The following SAMSN1 variants were observed in gnomAD, a reference collection of about 807,000 sequenced individuals.
The protein encoded by SAMSN1 is SAM domain-containing protein SAMSN-1.
Under a neutral mutation model 42.0 loss-of-function variants are expected in SAMSN1, and 31 were observed. The ratio of observed to expected loss-of-function variants is 0.74; its 90% CI spans 0.55 to 1.00. The LOEUF (loss-of-function observed/expected upper bound fraction) is 1.00, where lower values mean the gene tolerates loss of function less well. Ranked by LOEUF, SAMSN1 falls within the 50% of genes least tolerant of loss-of-function variation. The pLI is 0.00. For missense variants in SAMSN1, 464 were observed against 439.4 expected (o/e 1.06, Z -0.50); for synonymous variants, 178 against 151.9 (o/e 1.17, Z -1.26).
At chr21:14,509,818 C>T (rs1356318261) in intron 5 of SAMSN1, among the ~76,000 whole-genome samples, 5 of 152,102 alleles carry the variant, frequency 3.3e-5, no homozygotes, top group Non-Finnish European at 5.9e-5. Context: ...ACTGATACCC[C>T]GACTCCACCT....
chr21:14,645,725 A>G, intron 1 of SAMSN1, among the ~76,000 whole-genome samples: 1 of 152,236 alleles, frequency 6.6e-6, no homozygotes, highest in East Asian at 1.9e-4. Flanking sequence ...GATAATTTGA[A>G]ATAGATGTGT....
At chr21:14,612,797 T>C (rs2123326496) in intron 4 of SAMSN1, 2 of 672,434 alleles carry the variant, frequency 3.0e-6, no homozygotes, top group Non-Finnish European at 2.8e-6. Context: ...TTTTGTTGCT[T>C]TGTGGCAGGA....
chr21:14,489,937 C>T (rs1235913543), intron 7 of SAMSN1, among the ~76,000 whole-genome samples: 1 of 151,950 alleles, frequency 6.6e-6, no homozygotes, highest in Admixed American at 6.6e-5. Context: ...CTCAATTATA[C>T]TAAAAGTGAA....
At chr21:14,551,711 GTTT>G (rs1435474442) in intron 2 of SAMSN1, among the ~76,000 whole-genome samples, 1 of 152,030 alleles carries the variant, frequency 6.6e-6, no homozygotes, top group Non-Finnish European at 1.5e-5. Flanking sequence ...CATCTTGAGT[GTTT>G]ATTACATAAC....
chr21:14,522,853 G>T (rs1272888042), intron 1 of SAMSN1, among the ~76,000 whole-genome samples: 2 of 152,140 alleles, frequency 1.3e-5, no homozygotes, highest in African/African-American at 4.8e-5. Context: ...AGGGCACAAG[G>T]CAGGAACCAG....
intron 7 of SAMSN1, among the ~76,000 whole-genome samples, chr21:14,589,816 C>T (rs1340255272): frequency 6.6e-6 from 1 of 152,074 alleles, no homozygotes; most frequent in Non-Finnish European, 1.5e-5. Context: ...TGCTCTTCTT[C>T]TTAATTTCTG....
intron 5 of SAMSN1, among the ~76,000 whole-genome samples, chr21:14,507,033 G>A (rs914968249): frequency 2.0e-5 from 3 of 152,032 alleles, no homozygotes; most frequent in South Asian, 2.1e-4. Context: ...GCATACAAGC[G>A]ACATACCTCA....
chr21:14,561,499 C>T (rs895834508), intron 2 of SAMSN1, among the ~76,000 whole-genome samples: 1 of 152,136 alleles, frequency 6.6e-6, no homozygotes, highest in Admixed American at 6.6e-5. Flanking sequence ...TAATTCCCTA[C>T]ATCAAATGTG....
At chr21:14,540,006 G>A (rs1279483070) in intron 1 of SAMSN1, among the ~76,000 whole-genome samples, 5 of 152,266 alleles carry the variant, frequency 3.3e-5, no homozygotes, top group Admixed American at 6.5e-5. Flanking sequence ...ACAACTATCT[G>A]ATCTTTGACA....
rs1982013010 is a variant in SAMSN1 at position 14,589,346 on chromosome 21, C to G, written c.465+4667G>C. Reference sequence around the variant, plus strand: ...GAAATCAAGTATTCTGACTTTTAATCCAATGTTCTTTCTTACAAGATCTTT... The same window carrying G: ...GAAATCAAGTATTCTGACTTTTAATGCAATGTTCTTTCTTACAAGATCTTT... On this transcript the variant is annotated intron_variant, in intron 7 of 15. Coordinates refer to the SAMSN1 transcript ENST00000647101. Among the ~76,000 whole-genome samples the G allele has an allele frequency of 4.0e-5, 6 of 151,438 alleles. No homozygotes were observed. The South Asian group carries it at 1.2e-3, about 32-fold the overall frequency.
chr21:14,573,658 T>A (rs974515408), intron 2 of SAMSN1, among the ~76,000 whole-genome samples: 13 of 152,150 alleles, frequency 8.5e-5, no homozygotes, highest in Non-Finnish European at 1.5e-4. Context: ...AACCTTTATA[T>A]ACAAAACTTT....
chr21:14,654,632 A>C (rs1305820047), intron 1 of SAMSN1, among the ~76,000 whole-genome samples: 1 of 152,070 alleles, frequency 6.6e-6, no homozygotes, highest in Admixed American at 6.6e-5. Flanking sequence ...GCTTACAAGA[A>C]GATATGGGCC....
intron 5 of SAMSN1, among the ~76,000 whole-genome samples, chr21:14,508,897 A>G (rs1312453863): frequency 6.6e-6 from 1 of 152,128 alleles, no homozygotes; most frequent in Non-Finnish European, 1.5e-5. Context: ...TGGGAGGCTG[A>G]GGTGGGTGGA....
At chr21:14,601,325 G>A (rs543181512) in intron 6 of SAMSN1, among the ~76,000 whole-genome samples, 2 of 152,078 alleles carry the variant, frequency 1.3e-5, no homozygotes, top group African/African-American at 2.4e-5. Flanking sequence ...ATAGCCTCAG[G>A]AATCAGGCTG....
chr21:14,621,535 C>A (rs1983006788), intron 2 of SAMSN1, among the ~76,000 whole-genome samples: 1 of 152,120 alleles, frequency 6.6e-6, no homozygotes, highest in Non-Finnish European at 1.5e-5. Context: ...GCCCATGGAG[C>A]CTCACTCATT....
intron 1 of SAMSN1, among the ~76,000 whole-genome samples, chr21:14,651,689 A>G (rs1983839885): frequency 6.6e-6 from 1 of 152,048 alleles, no homozygotes; most frequent in African/African-American, 2.4e-5. Context: ...GAAATTAGAC[A>G]AGGAAAGATA....
In SAMSN1 at chr21:14,589,421, C is replaced by T. The variant is rs117148830; in HGVS notation, c.465+4592G>A. Among the ~76,000 whole-genome samples the T allele has an allele frequency of 6.4e-3, 964 of 151,514 alleles. 12 individuals carry two copies. The highest frequency in any genetic ancestry group is 0.046 in the South Asian group (221 of 4,798). ...TCTAGTATTGACAGCCAAATTAAGA[C>T]CAACCAAATTCAGGGAATTTATTTG... On this transcript the variant is annotated intron_variant, in intron 7 of 15. Coordinates refer to the SAMSN1 transcript ENST00000647101.
chr21:14,581,337 A>G (rs1385570157), intron 2 of SAMSN1, among the ~76,000 whole-genome samples: 1 of 53,834 alleles, frequency 1.9e-5, no homozygotes, highest in Admixed American at 2.3e-4. Context: ...GAGGGGAAAT[A>G]ATATTTCTTT....
intron 5 of SAMSN1, among the ~76,000 whole-genome samples, chr21:14,502,460 A>T (rs972393877): frequency 6.6e-6 from 1 of 152,186 alleles, no homozygotes; most frequent in Admixed American, 6.5e-5. Flanking sequence ...CCCACAGGTC[A>T]TCAAGCAAAG....
Sources: allele counts gnomAD v4.1 joint callset (sites outside exome capture counted in the v4.1 genomes callset), GRCh38; gene constraint gnomAD v4.1.1; transcripts MANE v1.5; gene names NCBI Gene and HGNC (gene_info 2026-07-23, HGNC 2026-07-21).